Variants in KIAA0513 observed in about 807,000 individuals in gnomAD.
KIAA0513 encodes the protein KIAA0513.
KIAA0513 carries 39 observed loss-of-function variants against 56.5 expected under a neutral mutation model. The observed-to-expected ratio is 0.69, with a 90% CI of 0.53 to 0.90. The LOEUF (loss-of-function observed/expected upper bound fraction) is 0.90. KIAA0513 is among the 40% of genes least tolerant of loss of function. The pLI, the probability that KIAA0513 is intolerant of heterozygous loss-of-function variation, is 0.00. For missense variants in KIAA0513, 591 were observed against 535.2 expected (o/e 1.10, Z -1.03); for synonymous variants, 268 against 215.6 (o/e 1.24, Z -2.13).
At chr16:85,044,739 C>G (rs559482943) in intron 1 of KIAA0513, among the ~76,000 whole-genome samples, 1 of 152,108 alleles carries the variant, frequency 6.6e-6, no homozygotes, top group South Asian at 2.1e-4. Context: ...AACTCCTGAC[C>G]TCATGATCCG....
intron 1 of KIAA0513, among the ~76,000 whole-genome samples, chr16:85,029,689 C>A (rs1400634364): frequency 6.6e-6 from 1 of 152,164 alleles, no homozygotes; most frequent in African/African-American, 2.4e-5. Context: ...AAAAGAAACA[C>A]GAACAGCAGC....
At position 85,051,777 on chromosome 16, in the gene KIAA0513, G is replaced by C. The variant is rs540086368; in HGVS notation, c.-172-15123G>C. 1.6e-4 allele frequency among the ~76,000 whole-genome samples: 24 copies of C among 151,198 alleles called. No individual in the cohort carries two copies. The South Asian group carries it at 4.6e-3, about 29-fold the overall frequency. ...GCGGGGTTTGTTTGGGATTTCTTTGGATGCTCTCCAGGTTCTTGGTAGCTC... is the reference window on the plus strand; with the variant it reads ...GCGGGGTTTGTTTGGGATTTCTTTGCATGCTCTCCAGGTTCTTGGTAGCTC... On this transcript the variant is annotated intron_variant, in intron 1 of 12. Coordinates refer to ENST00000683363, the MANE Select transcript of KIAA0513 (RefSeq NM_001388359.1).
rs1397018171 is a variant in KIAA0513, at chr16:85,089,188, T to C, written c.*863T>C. ...CGCAAGAAGCACAGGAAAGAGAAGTTTCTTTAGTAGCCACTAGACAACCAC... is the reference window on the plus strand; with the variant it reads ...CGCAAGAAGCACAGGAAAGAGAAGTCTCTTTAGTAGCCACTAGACAACCAC... On this transcript the variant is annotated 3_prime_UTR_variant, in exon 13 of 13. Transcript: ENST00000683363. The surrounding 1 kb of genome is among the most constrained non-coding windows in gnomAD (Gnocchi z 4.2). The C allele has an allele frequency of 6.6e-6, 1 of 152,242 alleles. No individual in the cohort carries two copies. Among genetic ancestry groups the C allele is most frequent in the Non-Finnish European group, 1.5e-5 (1 of 68,064 alleles). The allele number at this position is 152,242 out of a possible 1,614,324, so 9.4% of individuals were successfully genotyped here.
intron 1 of KIAA0513, among the ~76,000 whole-genome samples, chr16:85,032,670 G>C (rs897867681): frequency 6.6e-6 from 1 of 151,436 alleles, no homozygotes; most frequent in Non-Finnish European, 1.5e-5. Context: ...TCAGTCTGTC[G>C]TCCAGGCTGG....
chr16:85,070,360 T>G (rs2073555045), intron 2 of KIAA0513, among the ~76,000 whole-genome samples: 1 of 152,098 alleles, frequency 6.6e-6, no homozygotes, highest in Admixed American at 6.6e-5. Context: ...CGTTATATGA[T>G]AATCCAAATA....
intron 3 of KIAA0513, among the ~76,000 whole-genome samples, chr16:85,072,498 G>A (rs1472360586): frequency 6.6e-6 from 1 of 150,970 alleles, no homozygotes; most frequent in Non-Finnish European, 1.5e-5. Context: ...TTCCTGAGTG[G>A]CCTAAGTTTT....
At chr16:85,030,042 G>C (rs766827497) in intron 1 of KIAA0513, among the ~76,000 whole-genome samples, 1 of 152,154 alleles carries the variant, frequency 6.6e-6, no homozygotes, top group Non-Finnish European at 1.5e-5. Flanking sequence ...CGGGTGGTTT[G>C]TGCCTCACAC....
intron 1 of KIAA0513, 84 bp from the exon 2 acceptor site, chr16:85,066,816 A>T (rs2073488664): frequency 2.4e-6 from 1 of 422,804 alleles, no homozygotes; most frequent in Non-Finnish European, 4.2e-6. Context: ...AAGAGCAGAG[A>T]TTCTCTTTCT....
chr16:85,087,396 C>T (rs1231913663), intron 12 of KIAA0513, among the ~76,000 whole-genome samples: 1 of 152,200 alleles, frequency 6.6e-6, no homozygotes, highest in Non-Finnish European at 1.5e-5. Flanking sequence ...GGATTGCGGG[C>T]ATTGGGGCCA....
rs1399001947 is a variant in KIAA0513 at position 85,077,636 on chromosome 16, C to T, written c.782+4C>T. On this transcript the variant is annotated splice_donor_region_variant and intron_variant, in intron 6 of 12. Transcript: ENST00000683363. The stretch of plus-strand genomic sequence containing the variant: ...GGCCCCTGGCCAGGAGGAACGAGTA[C>T]GTGTGGCCTTGGGGTCCCTCCCACC... 7.5e-6 allele frequency: 12 copies of T among 1,601,902 alleles called. No individual in the cohort carries two copies. Among genetic ancestry groups the T allele is most frequent in the South Asian group, 4.5e-5 (4 of 89,628 alleles).
chr16:85,084,727 C>T (rs948526738), intron 10 of KIAA0513, among the ~76,000 whole-genome samples: 1 of 150,862 alleles, frequency 6.6e-6, no homozygotes, highest in African/African-American at 2.4e-5. Context: ...CTGCGCCCGG[C>T]CTAATTTTTG....
At chr16:85,077,331 A>G (rs2144066174) in intron 5 of KIAA0513, 94 bp from the exon 6 acceptor site, 2 of 1,205,902 alleles carry the variant, frequency 1.7e-6, no homozygotes, top group East Asian at 2.4e-5. Context: ...TCCCCACTGC[A>G]CAGGACCCCT....
chr16:85,080,075 G>A (rs1324761532), intron 8 of KIAA0513, among the ~76,000 whole-genome samples: 1 of 152,216 alleles, frequency 6.6e-6, no homozygotes, highest in Non-Finnish European at 1.5e-5. Context: ...TGAGGAGCTT[G>A]GCCAGGGAGC....
intron 1 of KIAA0513, among the ~76,000 whole-genome samples, chr16:85,040,366 C>G (rs1465200674): frequency 1.3e-5 from 2 of 151,914 alleles, no homozygotes; most frequent in African/African-American, 4.8e-5. Context: ...GTGTCATTGT[C>G]AAGAAACCCC....
chr16:85,041,803 G>A (rs1323839680), intron 1 of KIAA0513, among the ~76,000 whole-genome samples: 1 of 152,176 alleles, frequency 6.6e-6, no homozygotes, highest in Non-Finnish European at 1.5e-5. Context: ...GTGACACGGT[G>A]GGTGGAAAAT....
intron 2 of KIAA0513, 33 bp downstream of exon 2, chr16:85,067,433 G>A (rs772909810): frequency 2.6e-6 from 4 of 1,538,422 alleles, no homozygotes; most frequent in East Asian, 2.2e-5. Flanking sequence ...ACAGCCTGGT[G>A]TGGCCACAGG....
intron 1 of KIAA0513, among the ~76,000 whole-genome samples, chr16:85,044,379 C>G (rs952156923): frequency 6.6e-6 from 1 of 152,272 alleles, no homozygotes; most frequent in East Asian, 1.9e-4. Context: ...TCAGGCCCCT[C>G]GTAGTATCCC....
At chr16:85,063,353 C>T (rs1395355531) in intron 1 of KIAA0513, 2 of 152,286 alleles carry the variant, frequency 1.3e-5, no homozygotes, top group African/African-American at 4.8e-5. Flanking sequence ...GCAGCCTCCA[C>T]CTCCCCGGTT....
At chr16:85,078,577 T>A in intron 7 of KIAA0513, 122 bp downstream of exon 7, 1 of 909,694 alleles carries the variant, frequency 1.1e-6, no homozygotes. Flanking sequence ...TTGCCCTGGG[T>A]GATGCCCCAG....
Sources: allele counts gnomAD v4.1 joint callset (sites outside exome capture counted in the v4.1 genomes callset), GRCh38; gene constraint gnomAD v4.1.1; non-coding constraint Gnocchi (gnomAD v3.1); transcripts MANE v1.5; gene names NCBI Gene and HGNC (gene_info 2026-07-23, HGNC 2026-07-21).